Variants in NRXN1 observed in about 807,000 individuals in gnomAD.
NRXN1 encodes the protein neurexin 1.
In NRXN1, 39 loss-of-function variants were observed where a neutral mutation model predicts 150.9. The observed-to-expected ratio is 0.26, with a 90% confidence interval of 0.20 to 0.34. The LOEUF is 0.34. Among genes scored for constraint, NRXN1 ranks in the 10% least tolerant of loss-of-function variants. NRXN1 has a pLI of 1.00. For missense variants in NRXN1, 1,815 were observed against 1,949.9 expected (o/e 0.93, Z 1.30); for synonymous variants, 924 against 757.0 (o/e 1.22, Z -3.62).
At chr2:50,447,738 TA>T (rs34602832) in intron 17 of NRXN1, among the ~76,000 whole-genome samples, 35,136 of 60,482 alleles carry the variant, frequency 0.58, 8,095 homozygotes, top group East Asian at 0.78. Context: ...AGGGGAACGT[TA>T]TATATATATA....
intron 13 of NRXN1, among the ~76,000 whole-genome samples, chr2:50,504,944 A>G (rs766772611): frequency 1.3e-5 from 2 of 152,158 alleles, no homozygotes; most frequent in Non-Finnish European, 2.9e-5. Flanking sequence ...AGCCTAGATC[A>G]AACATTATCA....
chr2:50,189,736 G>A (rs570679131), intron 18 of NRXN1, among the ~76,000 whole-genome samples: 6 of 152,120 alleles, frequency 3.9e-5, no homozygotes, highest in East Asian at 1.9e-4. Context: ...AAACTACACC[G>A]AAGCTTAAAC....
At chr2:50,299,231 A>G (rs1027093764) in intron 17 of NRXN1, among the ~76,000 whole-genome samples, 4 of 152,116 alleles carry the variant, frequency 2.6e-5, no homozygotes, top group Admixed American at 2.6e-4. Context: ...ATGGCAGGAG[A>G]ACTGAATTTC....
intron 5 of NRXN1, among the ~76,000 whole-genome samples, chr2:50,684,697 G>A (rs567183545): frequency 2.6e-5 from 4 of 152,144 alleles, no homozygotes; most frequent in East Asian, 1.9e-4. Context: ...TTTAATACCC[G>A]TCAATTGTAG....
intron 21 of NRXN1, among the ~76,000 whole-genome samples, chr2:49,958,900 C>T (rs757769518): frequency 6.6e-6 from 1 of 152,086 alleles, no homozygotes; most frequent in Non-Finnish European, 1.5e-5. Flanking sequence ...CAAAGTTCTC[C>T]GTCCTGAGAA....
intron 17 of NRXN1, among the ~76,000 whole-genome samples, chr2:50,320,546 GCA>G (rs2075964454): frequency 1.3e-5 from 2 of 151,694 alleles, no homozygotes; most frequent in Admixed American, 1.3e-4. Context: ...GAAGTTCAAA[GCA>G]CAGACAAATA....
intron 2 of NRXN1, 73 bp from the exon 3 acceptor site, chr2:50,926,028 T>A: frequency 8.4e-7 from 1 of 1,184,916 alleles, no homozygotes; most frequent in Non-Finnish European, 1.2e-6. Context: ...GGACCTTGCC[T>A]TTGCATGTCT....
chr2:50,694,527 A>C lies in NRXN1; in HGVS notation c.833-70912T>G, dbSNP rs77888489. Among the ~76,000 whole-genome samples, 282 of 152,282 alleles carry C rather than the reference A, an allele frequency of 1.9e-3. 9 individuals are homozygous for C. In the East Asian group the frequency reaches 0.049, roughly 26 times the overall value. ...TTGTTAGTTGAAATAATTATTTCTA[A>C]GTCTGAGGATTGTCCATTCAAGGTT... On this transcript the variant is annotated intron_variant, in intron 5 of 22. Coordinates refer to ENST00000401669, the MANE Select transcript of NRXN1 (RefSeq NM_001330078.2).
chr2:50,736,955 G>C (rs2105242897), intron 5 of NRXN1, among the ~76,000 whole-genome samples: 1 of 152,142 alleles, frequency 6.6e-6, no homozygotes, highest in South Asian at 2.1e-4. Flanking sequence ...GTGGTATCTT[G>C]AATTAAGAAT....
intron 17 of NRXN1, among the ~76,000 whole-genome samples, chr2:50,285,313 A>G (rs2071995067): frequency 6.6e-6 from 1 of 152,122 alleles, no homozygotes; most frequent in Admixed American, 6.6e-5. Context: ...CACTCATTCT[A>G]GTTCAGAGTT....
intron 17 of NRXN1, among the ~76,000 whole-genome samples, chr2:50,361,385 A>C (rs1376749801): frequency 6.6e-6 from 1 of 152,194 alleles, no homozygotes; most frequent in Non-Finnish European, 1.5e-5. Context: ...ATATAAGAAA[A>C]GAGAGAAGAA....
chr2:49,984,716 CAA>C (rs937400366), intron 21 of NRXN1, among the ~76,000 whole-genome samples: 1 of 130,198 alleles, frequency 7.7e-6, no homozygotes, highest in African/African-American at 2.8e-5. Flanking sequence ...TGAGAACACA[CAA>C]ACACACACAC....
intron 5 of NRXN1, among the ~76,000 whole-genome samples, chr2:50,840,292 A>C (rs2105925201): frequency 6.6e-6 from 1 of 152,256 alleles, no homozygotes; most frequent in Non-Finnish European, 1.5e-5. Context: ...CAATCTCAAA[A>C]CCGTGAAACC....
In NRXN1 at chr2:50,581,375, A is replaced by G. The variant is rs576232366; in HGVS notation, c.1321-28350T>C. Among the ~76,000 whole-genome samples, 3 of 152,288 alleles carry G rather than the reference A, an allele frequency of 2.0e-5. No homozygotes were observed. In the South Asian group the frequency reaches 6.2e-4, roughly 32 times the overall value. ...TAATAACACTCATATTGCTATTCCC[A>G]CTTTATTGGATAGCTTATGTTTCTC... On this transcript the variant is annotated intron_variant, in intron 8 of 22. Coordinates refer to ENST00000401669, the MANE Select transcript of NRXN1 (RefSeq NM_001330078.2).
rs147290482 is a variant in NRXN1 at position 50,638,347 on chromosome 2, T to A, written c.833-14732A>T. Among the ~76,000 whole-genome samples the A allele has an allele frequency of 3.0e-3, 460 of 152,276 alleles. 2 individuals are homozygous for A. Among genetic ancestry groups the A allele is most frequent in the African/African-American group, 9.4e-3 (391 of 41,554 alleles). Reference sequence around the variant, plus strand: ...TGTTTTGCAGTTTTTGCTTTTAATTTTTGTTAAAGAAATGGGCCTTCTCTC... The same window carrying A: ...TGTTTTGCAGTTTTTGCTTTTAATTATTGTTAAAGAAATGGGCCTTCTCTC... On this transcript the variant is annotated intron_variant, in intron 5 of 22. Transcript: ENST00000401669.
intron 11 of NRXN1, 34 bp downstream of exon 11, chr2:50,531,193 A>C (rs200936757): frequency 2.6e-6 from 4 of 1,562,026 alleles, no homozygotes; most frequent in South Asian, 1.1e-5. Context: ...AAAGTAAAAA[A>C]GTGTTAGTTC....
At chr2:50,242,576 G>T (rs926829621) in intron 17 of NRXN1, among the ~76,000 whole-genome samples, 2 of 151,670 alleles carry the variant, frequency 1.3e-5, no homozygotes, top group Admixed American at 6.6e-5. Flanking sequence ...GAAGTTAATG[G>T]AATCAAGTAA....
At position 51,028,912 on chromosome 2, in the gene NRXN1, T is replaced by A. The variant is rs1016679208; in HGVS notation, c.-639A>T. ...CCGAGGATAGCTTCAAAGGCCTGCT[T>A]CTTCTGTCATAGCATGGGCTTCAGC... On this transcript the variant is annotated 5_prime_UTR_variant, in exon 2 of 23. Coordinates refer to ENST00000401669, the MANE Select transcript of NRXN1 (RefSeq NM_001330078.2). 2 of 152,208 alleles carry A rather than the reference T, an allele frequency of 1.3e-5. No homozygotes were observed. Among genetic ancestry groups the A allele is most frequent in the African/African-American group, 4.8e-5 (2 of 41,442 alleles). The allele number at this position is 152,208 out of a possible 1,614,324, so 9.4% of individuals were successfully genotyped here.
chr2:50,797,161 C>T (rs192333019), intron 5 of NRXN1, among the ~76,000 whole-genome samples: 7 of 152,262 alleles, frequency 4.6e-5, no homozygotes, highest in African/African-American at 1.7e-4. Context: ...ATATTCAGAT[C>T]ATAGCAATTA....
Sources: gnomAD v4.1 joint callset for allele counts (sites outside exome capture counted in the v4.1 genomes callset) on GRCh38, gnomAD v4.1.1 for gene constraint, MANE v1.5 for transcripts, NCBI Gene and HGNC (gene_info 2026-07-23, HGNC 2026-07-21) for gene names.